Variants in MYO9A observed in about 807,000 individuals in gnomAD.
MYO9A encodes myosin IXA, also known as unconventional myosin-IXa.
In MYO9A, 103 loss-of-function variants were observed where a neutral mutation model predicts 293.3. The ratio of observed to expected loss-of-function variants is 0.35; its 90% CI spans 0.30 to 0.41. The LOEUF is 0.41. MYO9A is among the 10% of genes least tolerant of loss of function. The probability of loss-of-function intolerance (pLI) is 1.00; values close to 1 mark genes in which losing one functional copy is unlikely to be tolerated. For missense variants in MYO9A, 2,685 were observed against 3,033.0 expected (o/e 0.89, Z 2.69); for synonymous variants, 1,001 against 1,035.7 (o/e 0.97, Z 0.64).
intron 15 of MYO9A, among the ~76,000 whole-genome samples, chr15:71,942,547 T>C (rs756780174): frequency 6.6e-5 from 10 of 152,060 alleles, no homozygotes; most frequent in Non-Finnish European, 1.2e-4. Context: ...CCTTAACTAT[T>C]ATATGCTTTC....
chr15:72,027,925 A>G, intron 3 of MYO9A, 132 bp from the exon 4 acceptor site: 1 of 646,388 alleles, frequency 1.5e-6, no homozygotes, highest in Non-Finnish European at 2.6e-6. Flanking sequence ...TGGCCGGGCG[A>G]GGTGGCTCAC....
intron 6 of MYO9A, among the ~76,000 whole-genome samples, chr15:72,011,197 A>C (rs1166463770): frequency 1.3e-5 from 2 of 151,918 alleles, no homozygotes; most frequent in Non-Finnish European, 2.9e-5. Context: ...TTTTTAATAG[A>C]GACATGGTTT....
chr15:71,840,791 G>A (rs1453970302), intron 39 of MYO9A, among the ~76,000 whole-genome samples: 8 of 151,984 alleles, frequency 5.3e-5, no homozygotes, highest in Admixed American at 1.3e-4. Flanking sequence ...CACCATGCCC[G>A]GCTAATTTTT....
intron 39 of MYO9A, among the ~76,000 whole-genome samples, chr15:71,830,531 G>A (rs539669761): frequency 1.4e-4 from 22 of 152,308 alleles, no homozygotes; most frequent in African/African-American, 5.3e-4. Flanking sequence ...ACTTTGGTAG[G>A]TGGGAGTGTA....
intron 20 of MYO9A, among the ~76,000 whole-genome samples, chr15:71,904,643 ACT>A (rs1278508632): frequency 2.0e-5 from 3 of 152,246 alleles, no homozygotes; most frequent in Admixed American, 2.0e-4. Flanking sequence ...ACACAGTGAG[ACT>A]CTGCCTCAAA....
intron 1 of MYO9A, among the ~76,000 whole-genome samples, chr15:72,106,652 G>A (rs1311702671): frequency 1.3e-5 from 2 of 151,474 alleles, no homozygotes; most frequent in Non-Finnish European, 2.9e-5. Context: ...CCAGGTTGGA[G>A]TGCAGCAGCG....
chr15:72,093,497 C>T (rs2079981920), intron 1 of MYO9A, among the ~76,000 whole-genome samples: 1 of 152,204 alleles, frequency 6.6e-6, no homozygotes, highest in Non-Finnish European at 1.5e-5. Flanking sequence ...GATCACACCA[C>T]TGCACTCCGC....
chr15:72,053,140 C>T (rs956938095), intron 1 of MYO9A, among the ~76,000 whole-genome samples: 16 of 152,166 alleles, frequency 1.1e-4, no homozygotes, highest in African/African-American at 3.9e-4. Context: ...TGGCTCACGC[C>T]TATAATCCCA....
chr15:71,956,330 A>AAATATATAT (rs10642655), intron 14 of MYO9A, among the ~76,000 whole-genome samples: 6 of 75,582 alleles, frequency 7.9e-5, no homozygotes, highest in South Asian at 4.8e-4. Flanking sequence ...AAAAAAAAAA[A>AAATATATAT]ATATATATAT....
intron 18 of MYO9A, among the ~76,000 whole-genome samples, chr15:71,921,520 A>G (rs918856887): frequency 2.6e-5 from 4 of 152,168 alleles, no homozygotes; most frequent in Admixed American, 2.6e-4. Context: ...CCTACTTCTT[A>G]AATAGAGAAC....
intron 20 of MYO9A, among the ~76,000 whole-genome samples, chr15:71,904,596 T>A (rs2057577492): frequency 6.6e-6 from 1 of 152,166 alleles, no homozygotes. Flanking sequence ...GAGATTACAG[T>A]GAGCTGAGAT....
chr15:72,095,024 T>TATTGAA (rs2080027401), intron 1 of MYO9A, among the ~76,000 whole-genome samples: 1 of 91,794 alleles, frequency 1.1e-5, no homozygotes, highest in African/African-American at 2.6e-5. Context: ...AAACACACAA[T>TATTGAA]ATTGAAATTA....
At chr15:71,965,984 G>A (rs1348391059) in intron 13 of MYO9A, among the ~76,000 whole-genome samples, 12 of 151,676 alleles carry the variant, frequency 7.9e-5, no homozygotes, top group Non-Finnish European at 1.6e-4. Context: ...TCAAGCACTT[G>A]TCCTATCTCA....
intron 31 of MYO9A, 39 bp downstream of exon 31, chr15:71,878,001 A>G (rs762084066): frequency 6.7e-7 from 1 of 1,483,128 alleles, no homozygotes; most frequent in Admixed American, 2.5e-5. Context: ...AAGAATTCAT[A>G]ATTAAATCCT....
intron 7 of MYO9A, 149 bp downstream of exon 7, chr15:72,010,201 A>G: frequency 1.8e-6 from 1 of 549,276 alleles, no homozygotes. Context: ...TGATAAAAAA[A>G]GGAATTAGAA....
rs369876586 is a variant in MYO9A at position 72,046,549 on chromosome 15, A to G, written c.15T>C (p.Asp5=). 3 of 1,598,414 alleles carry G rather than the reference A, an allele frequency of 1.9e-6. No homozygotes were observed. The highest frequency in any genetic ancestry group is 2.7e-5 in the African/African-American group (2 of 74,370). The change falls in exon 2 of 42, where the codon GAT becomes GAC. Residue 5 remains aspartate (D), a synonymous_variant. Coordinates refer to ENST00000356056, the MANE Select transcript of MYO9A (RefSeq NM_006901.4). ...TATCTTCAAAGCGTCGTCTTCCTCC[A>G]TCATTTATATTCATATTGGATCCTG... The part of the protein sequence containing the change: MNIN[D]GGRRRFEDNE...
chr15:72,048,275 T>C (rs1044706472), intron 1 of MYO9A, among the ~76,000 whole-genome samples: 3 of 151,802 alleles, frequency 2.0e-5, no homozygotes, highest in Admixed American at 2.0e-4. Context: ...GGCACGTCCC[T>C]GTAATCCCAG....
intron 12 of MYO9A, among the ~76,000 whole-genome samples, chr15:71,970,695 AC>A (rs1446595108): frequency 6.6e-6 from 1 of 152,220 alleles, no homozygotes; most frequent in African/African-American, 2.4e-5. Context: ...CAATACGCTG[AC>A]AGATGATGCA....
intron 4 of MYO9A, among the ~76,000 whole-genome samples, chr15:72,023,695 CAAAA>C (rs368209775): frequency 1.9e-5 from 1 of 51,298 alleles, no homozygotes; most frequent in Non-Finnish European, 4.6e-5. Flanking sequence ...AACTCTGTCT[CAAAA>C]AAAAAAAAAA....
Sources: allele counts gnomAD v4.1 joint callset (sites outside exome capture counted in the v4.1 genomes callset), GRCh38; gene constraint gnomAD v4.1.1; transcripts MANE v1.5; gene names NCBI Gene and HGNC (gene_info 2026-07-23, HGNC 2026-07-21).